The following FMN1 variants were observed in gnomAD, a reference collection of about 807,000 sequenced individuals.
FMN1 encodes the protein formin-1.
In FMN1, 110 loss-of-function variants were observed where a neutral mutation model predicts 132.4. That is an observed-to-expected ratio of 0.83 (90% CI 0.71 to 0.97). FMN1 has a LOEUF of 0.97. Among genes scored for constraint, FMN1 ranks in the 50% least tolerant of loss-of-function variants. FMN1 has a pLI of 0.00. For synonymous variants in FMN1, 722 were observed against 651.7 expected, an observed-to-expected ratio of 1.11 and a Z score of -1.64; for missense variants, 1,792 against 1,705.3, an observed-to-expected ratio of 1.05 and a Z score of -0.90.
At chr15:33,102,248 C>T (rs1414910809) in intron 4 of FMN1, among the ~76,000 whole-genome samples, 6 of 152,090 alleles carry the variant, frequency 3.9e-5, no homozygotes, top group Non-Finnish European at 8.8e-5. Flanking sequence ...CAGAAGCATT[C>T]ATACTCAAAT....
At chr15:32,868,513 T>C (rs1427640116) in intron 16 of FMN1, among the ~76,000 whole-genome samples, 1 of 152,224 alleles carries the variant, frequency 6.6e-6, no homozygotes, top group African/African-American at 2.4e-5. Flanking sequence ...AATGATGATA[T>C]TGCCTAACGA....
intron 10 of FMN1, among the ~76,000 whole-genome samples, chr15:32,913,504 C>A (rs1262232423): frequency 1.3e-5 from 2 of 152,142 alleles, no homozygotes; most frequent in Non-Finnish European, 2.9e-5. Context: ...ACCATGGGTT[C>A]CAGTCACCCT....
chr15:33,057,162 G>A (rs142107249), intron 6 of FMN1, among the ~76,000 whole-genome samples: 2 of 152,344 alleles, frequency 1.3e-5, no homozygotes, highest in African/African-American at 4.8e-5. Context: ...GGGTGACAGA[G>A]CGAGACTCCA....
At position 32,982,932 on chromosome 15, in the gene FMN1, G is replaced by A. The variant is rs569449271; in HGVS notation, c.2224-13455C>T. ...CCTGCAGATTTTGGAACTTATCAGCGTCCATCATCATGTAAGCCAATTCTT... is the reference window on the plus strand; with the variant it reads ...CCTGCAGATTTTGGAACTTATCAGCATCCATCATCATGTAAGCCAATTCTT... On this transcript the variant is annotated intron_variant, in intron 7 of 20. Transcript: ENST00000616417. Among the ~76,000 whole-genome samples the A allele has an allele frequency of 9.9e-5, 15 of 151,894 alleles. No homozygotes were observed. The South Asian group carries it at 2.3e-3, about 23-fold the overall frequency.
chr15:32,862,604 T>A (rs2059296037), intron 16 of FMN1, among the ~76,000 whole-genome samples: 1 of 152,152 alleles, frequency 6.6e-6, no homozygotes, highest in Non-Finnish European at 1.5e-5. Flanking sequence ...TTTTCACCCC[T>A]AAGAACAAGG....
intron 17 of FMN1, among the ~76,000 whole-genome samples, chr15:32,856,732 G>A (rs1037219633): frequency 1.1e-4 from 16 of 152,176 alleles, no homozygotes; most frequent in African/African-American, 3.4e-4. Context: ...AATTCCTTGA[G>A]CCCCATGAAG....
intron 19 of FMN1, among the ~76,000 whole-genome samples, chr15:32,785,963 A>G (rs1010279759): frequency 6.6e-6 from 1 of 152,238 alleles, no homozygotes; most frequent in East Asian, 1.9e-4. Flanking sequence ...AAAGATTTTA[A>G]TATCACTCGT....
At chr15:33,175,606 A>G (rs1965488369) in intron 3 of FMN1, among the ~76,000 whole-genome samples, 1 of 152,220 alleles carries the variant, frequency 6.6e-6, no homozygotes, top group Non-Finnish European at 1.5e-5. Context: ...TTCAAAAACT[A>G]AGCTTAGAAC....
chr15:32,926,063 T>A, intron 10 of FMN1, 111 bp downstream of exon 10: 1 of 664,196 alleles, frequency 1.5e-6, no homozygotes, highest in Non-Finnish European at 2.6e-6. Flanking sequence ...GAGTATTGGG[T>A]ATATAGGATT....
Position 32,774,344 on chromosome 15 carries a change from A to T in FMN1, c.4226T>A (p.Leu1409Gln). Residue 1409 changes from leucine to glutamine, a missense_variant, in exon 21 of 21, where the codon CTG (leucine) becomes CAG (glutamine). Physicochemically the swap from Leu to Gln is moderately radical, Grantham distance 113. Around this residue, in one of 3 missense-constraint regions of FMN1, gnomAD observed 1,150 missense variants for 1,043.1 expected, o/e 1.10. Coordinates refer to ENST00000616417, the MANE Select transcript of FMN1 (RefSeq NM_001277313.2). ...INPTASLKER[L>Q]RQKEASVTTN is the part of the protein sequence containing the mutation. Reference sequence around the variant, plus strand: ...GGTCACACTGGCTTCCTTCTGACGCAGTCTTTCTTTCTGTTAAGGAAAAAA... The same window carrying T: ...GGTCACACTGGCTTCCTTCTGACGCTGTCTTTCTTTCTGTTAAGGAAAAAA... The T allele has an allele frequency of 6.3e-7, 1 of 1,598,594 alleles. No homozygotes were observed. The highest frequency in any genetic ancestry group is 8.5e-7 in the Non-Finnish European group (1 of 1,172,448).
intron 4 of FMN1, among the ~76,000 whole-genome samples, chr15:33,089,346 G>T (rs1008951175): frequency 6.6e-6 from 1 of 152,210 alleles, no homozygotes; most frequent in African/African-American, 2.4e-5. Context: ...TCTGAGCCAA[G>T]TCACTAATGT....
rs535729221 is a variant in FMN1 at position 32,805,816 on chromosome 15, C to A, written c.3929-1484G>T. Among the ~76,000 whole-genome samples the A allele has an allele frequency of 2.0e-5, 3 of 152,316 alleles. 1 individual carries two copies. Among genetic ancestry groups the A allele is most frequent in the South Asian group, 4.1e-4 (2 of 4,822 alleles). On this transcript the variant is annotated intron_variant, in intron 17 of 20. Coordinates refer to ENST00000616417, the MANE Select transcript of FMN1 (RefSeq NM_001277313.2). ...AATCTTGCCGCATACTGCCTCCACACCCACAGGCCCTTTTGGCAGTCTAGG... is the reference window on the plus strand; with the variant it reads ...AATCTTGCCGCATACTGCCTCCACAACCACAGGCCCTTTTGGCAGTCTAGG...
intron 5 of FMN1, among the ~76,000 whole-genome samples, chr15:33,078,648 A>C (rs1007840054): frequency 6.6e-6 from 1 of 151,864 alleles, no homozygotes; most frequent in African/African-American, 2.4e-5. Context: ...AGGCAACAAA[A>C]AAAAAAAAAC....
chr15:33,030,981 C>G (rs2035910228), intron 6 of FMN1, among the ~76,000 whole-genome samples: 1 of 151,114 alleles, frequency 6.6e-6, no homozygotes, highest in Admixed American at 6.6e-5. Flanking sequence ...TAGCTCCCCA[C>G]CCCACCCCCC....
chr15:32,944,026 C>T (rs115715002), intron 9 of FMN1, among the ~76,000 whole-genome samples: 1,913 of 152,260 alleles, frequency 0.013, 39 homozygotes, highest in African/African-American at 0.044. Context: ...AGTCCCCTCC[C>T]TACGATTTCT....
intron 6 of FMN1, among the ~76,000 whole-genome samples, chr15:33,041,285 C>G (rs1187970860): frequency 6.6e-6 from 1 of 151,194 alleles, no homozygotes; most frequent in Non-Finnish European, 1.5e-5. Context: ...CAACCCGTAA[C>G]ACCTAACTGG....
intron 4 of FMN1, among the ~76,000 whole-genome samples, chr15:33,130,087 C>T (rs1399661365): frequency 6.6e-6 from 1 of 152,192 alleles, no homozygotes; most frequent in Admixed American, 6.5e-5. Flanking sequence ...CTGCCTTGGC[C>T]TTCCAAAGTA....
At chr15:32,908,644 T>C (rs905713587) in intron 11 of FMN1, 66 bp from the exon 12 acceptor site, 24 of 967,634 alleles carry the variant, frequency 2.5e-5, no homozygotes, top group Non-Finnish European at 3.4e-5. Context: ...ACTCTGGCTA[T>C]GGCAGTGGGT....
chr15:32,851,067 GACAAAACAAA>G (rs538033582), intron 17 of FMN1, among the ~76,000 whole-genome samples: 2 of 151,240 alleles, frequency 1.3e-5, no homozygotes, highest in East Asian at 3.9e-4. Flanking sequence ...CAAAAAACAA[GACAAAACAAA>G]ACAAAACAAA....
Sources: allele counts gnomAD v4.1 joint callset (sites outside exome capture counted in the v4.1 genomes callset), GRCh38; gene constraint gnomAD v4.1.1; regional missense constraint gnomAD v4.1.1; transcripts MANE v1.5; gene names NCBI Gene and HGNC (gene_info 2026-07-23, HGNC 2026-07-21).